ANO5: variants seen among roughly 807,000 people sequenced by gnomAD.
ANO5 encodes the protein anoctamin-5.
ANO5 carries 109 observed loss-of-function variants against 121.0 expected under a neutral mutation model. The ratio of observed to expected loss-of-function variants is 0.90; its 90% confidence interval spans 0.77 to 1.06. The LOEUF (loss-of-function observed/expected upper bound fraction) is 1.06, where lower values mean the gene tolerates loss of function less well. Ranked by LOEUF, ANO5 falls within the 50% of genes least tolerant of loss-of-function variation. The pLI is 0.00. For missense variants in ANO5, 1,064 were observed against 1,078.5 expected (o/e 0.99, Z 0.19); for synonymous variants, 406 against 359.9 (o/e 1.13, Z -1.45).
At chr11:22,246,825 C>T (rs1853635965) in intron 9 of ANO5, among the ~76,000 whole-genome samples, 1 of 123,618 alleles carries the variant, frequency 8.1e-6, no homozygotes. Flanking sequence ...CACTACCCTA[C>T]AACCTAGCAC....
chr11:22,249,111 G>GGGTTAATTA, intron 9 of ANO5, among the ~76,000 whole-genome samples: 1 of 151,822 alleles, frequency 6.6e-6, no homozygotes, highest in Non-Finnish European at 1.5e-5. Context: ...AACCAAATTA[G>GGGTTAATTA]GGAAATTAAC....
At chr11:22,237,847 C>T (rs1197541892) in intron 8 of ANO5, among the ~76,000 whole-genome samples, 1 of 152,002 alleles carries the variant, frequency 6.6e-6, no homozygotes, top group African/African-American at 2.4e-5. Context: ...GGTTCCAGAA[C>T]CAATCCCCGG....
At chr11:22,273,300 T>C (rs1218688671) in intron 19 of ANO5, among the ~76,000 whole-genome samples, 1 of 152,178 alleles carries the variant, frequency 6.6e-6, no homozygotes, top group Non-Finnish European at 1.5e-5. Flanking sequence ...TGATTATATT[T>C]GTATACTACA....
At chr11:22,202,930 A>G (rs952857968) in intron 1 of ANO5, among the ~76,000 whole-genome samples, 21 of 152,118 alleles carry the variant, frequency 1.4e-4, no homozygotes, top group African/African-American at 4.8e-5. Flanking sequence ...TAAAGACTAC[A>G]TTTCCAAATT....
chr11:22,272,971 C>T lies in ANO5; in HGVS notation c.2217C>T (p.Val739=). 6.2e-7 allele frequency: 1 copy of T among 1,613,776 alleles called. No individual in the cohort carries two copies. The highest frequency in any genetic ancestry group is 2.2e-5 in the East Asian group (1 of 44,860). Residue 739 remains valine (V), a synonymous_variant, in exon 19 of 22, where the codon GTC becomes GTT. Coordinates refer to ENST00000324559, the MANE Select transcript of ANO5 (RefSeq NM_213599.3). ...AAGACATTCTTTATGGAATGGCTGT[C>T]CTTTCTGTTGCAACTAATGTAAGTG... ...VWQDILYGMA[V]LSVATNAFIV... is the part of the protein sequence containing the mutation.
chr11:22,249,394 G>T (rs1853724971), intron 9 of ANO5, among the ~76,000 whole-genome samples: 1 of 151,980 alleles, frequency 6.6e-6, no homozygotes, highest in Non-Finnish European at 1.5e-5. Context: ...AACACAAAAG[G>T]TATCACATCT....
At chr11:22,193,579 T>C in intron 1 of ANO5, 47 bp downstream of exon 1, 1 of 1,596,828 alleles carries the variant, frequency 6.3e-7, no homozygotes, top group South Asian at 1.1e-5. Flanking sequence ...GCTGGCTGCC[T>C]GCACCCCTCC....
Position 22,281,145 on chromosome 11 carries a change from G to C in ANO5, c.*1380G>C, listed in dbSNP as rs1039891874. 6.6e-6 allele frequency: 1 copy of C among 151,978 alleles called. No individual in the cohort carries two copies. Among genetic ancestry groups the C allele is most frequent in the Non-Finnish European group, 1.5e-5 (1 of 67,880 alleles). 9.4% of individuals were successfully genotyped at this position (151,978 alleles called of 1,614,324 possible). The stretch of plus-strand genomic sequence containing the variant: ...ATTAGCACTAGAGGGATATAGTCCA[G>C]TTATGTAGTATTTAAATCTCCAGTT... On this transcript the variant is annotated 3_prime_UTR_variant, in exon 22 of 22. Coordinates refer to ENST00000324559, the MANE Select transcript of ANO5 (RefSeq NM_213599.3).
chr11:22,221,139 G>A lies in ANO5; in HGVS notation c.223G>A (p.Asp75Asn). The change falls in exon 5 of 22, where the codon GAT becomes AAT. Residue 75 changes from aspartate (D) to asparagine (N), a missense_variant. Coordinates refer to ENST00000324559, the MANE Select transcript of ANO5 (RefSeq NM_213599.3). The stretch of plus-strand genomic sequence containing the variant: ...AAGCAAAGATTCTATCTTCTTCCGA[G>A]ATGGGATTAGGCAAATTGATTTTGT... ...QQSKDSIFFR[D>N]GIRQIDFVLS... The A allele has an allele frequency of 1.2e-6, 2 of 1,611,934 alleles. No individual in the cohort carries two copies. The highest frequency in any genetic ancestry group is 1.7e-6 in the Non-Finnish European group (2 of 1,178,698).
At chr11:22,246,723 G>A (rs984383592) in intron 9 of ANO5, among the ~76,000 whole-genome samples, 4 of 151,084 alleles carry the variant, frequency 2.6e-5, no homozygotes, top group East Asian at 2.0e-4. Flanking sequence ...GCGTGGTGGC[G>A]CACACAACTG....
At chr11:22,233,104 T>G (rs2133635355) in intron 7 of ANO5, among the ~76,000 whole-genome samples, 1 of 152,126 alleles carries the variant, frequency 6.6e-6, no homozygotes, top group Admixed American at 6.6e-5. Context: ...CTTGCTTTTA[T>G]TCCAAGAAAA....
chr11:22,274,690 T>C lies in ANO5; in HGVS notation c.2357T>C (p.Ile786Thr). 6.2e-7 allele frequency: 1 copy of C among 1,613,648 alleles called. No individual in the cohort carries two copies. The highest frequency in any genetic ancestry group is 8.5e-7 in the Non-Finnish European group (1 of 1,179,664). Residue 786 changes from isoleucine (I) to threonine (T), a missense_variant, in exon 20 of 22, where the codon ATA becomes ACA. Transcript: ENST00000324559. ...YVNNSLSVFL[I>T]ADFPNHTAPS... ...AATAATAGCCTGTCAGTATTCCTGA[T>C]AGCTGATTTTCCAAACCACACTGCA...
chr11:22,206,114 C>T (rs771663461), intron 2 of ANO5, among the ~76,000 whole-genome samples: 6 of 151,832 alleles, frequency 4.0e-5, no homozygotes, highest in Non-Finnish European at 5.9e-5. Flanking sequence ...CAATTCATGT[C>T]GGATCCCTAC....
chr11:22,222,725 C>G (rs1852694801), intron 5 of ANO5, among the ~76,000 whole-genome samples: 1 of 143,742 alleles, frequency 7.0e-6, no homozygotes, highest in Non-Finnish European at 1.5e-5. Context: ...TTAAACCCAA[C>G]CCTACCTACT....
intron 1 of ANO5, among the ~76,000 whole-genome samples, chr11:22,194,623 A>T (rs1260649444): frequency 1.3e-5 from 2 of 152,196 alleles, no homozygotes; most frequent in Admixed American, 1.3e-4. Context: ...ACTTCCTACC[A>T]GTAATCTCTT....
chr11:22,278,674 T>C (rs1381556467), intron 21 of ANO5, among the ~76,000 whole-genome samples: 1 of 151,618 alleles, frequency 6.6e-6, no homozygotes, highest in Non-Finnish European at 1.5e-5. Context: ...TCACTGTAGG[T>C]TGATAACGTA....
intron 2 of ANO5, among the ~76,000 whole-genome samples, chr11:22,205,608 C>T (rs1415234100): frequency 6.6e-6 from 1 of 151,254 alleles, no homozygotes; most frequent in East Asian, 1.9e-4. Context: ...AACCCCAAAG[C>T]AAGTAGAAGA....
In ANO5 at chr11:22,270,455, C is replaced by T. The variant is rs1564949501; in HGVS notation, c.2029+13C>T. The stretch of plus-strand genomic sequence containing the variant: ...TACTTAGAAACAGGTAATTTTTAAC[C>T]ACTGTTTTGAAACATAGAGTTGGCA... On this transcript the variant is annotated intron_variant, in intron 18 of 21. Coordinates refer to ENST00000324559, the MANE Select transcript of ANO5 (RefSeq NM_213599.3). 3 of 1,613,760 alleles carry T rather than the reference C, an allele frequency of 1.9e-6. No individual in the cohort carries two copies. Among genetic ancestry groups the T allele is most frequent in the South Asian group, 1.1e-5 (1 of 91,048 alleles).
intron 10 of ANO5, 141 bp downstream of exon 10, chr11:22,250,512 A>G: frequency 1.6e-6 from 2 of 1,258,870 alleles, no homozygotes; most frequent in Non-Finnish European, 2.2e-6. Context: ...AAACTACTCA[A>G]ACATAACAGT....
Sources: allele counts gnomAD v4.1 joint callset (sites outside exome capture counted in the v4.1 genomes callset), GRCh38; gene constraint gnomAD v4.1.1; transcripts MANE v1.5; gene names NCBI Gene and HGNC (gene_info 2026-07-23, HGNC 2026-07-21).